The following LRRC20 variants were observed in gnomAD, a reference collection of about 807,000 sequenced individuals.
LRRC20 encodes leucine-rich repeat-containing protein 20.
A neutral mutation model predicts 14.4 loss-of-function variants in LRRC20; 11 were observed. The observed-to-expected ratio is 0.77, with a 90% CI of 0.48 to 1.27. The LOEUF (loss-of-function observed/expected upper bound fraction) is 1.27. Among genes scored for constraint, LRRC20 ranks in the 50% most tolerant of loss-of-function variants. The pLI is 0.00. For synonymous variants in LRRC20, 121 were observed against 107.3 expected (o/e 1.13, Z -0.79); for missense variants, 219 against 251.2 (o/e 0.87, Z 0.87).
intron 4 of LRRC20, among the ~76,000 whole-genome samples, chr10:70,309,233 C>T (rs574705570): frequency 5.4e-4 from 82 of 152,230 alleles, no homozygotes; most frequent in Middle Eastern, 3.4e-3. Flanking sequence ...GAAATCAAGG[C>T]GCAAGGAGGT....
At chr10:70,343,762 C>T (rs530409323) in intron 2 of LRRC20, among the ~76,000 whole-genome samples, 4 of 152,326 alleles carry the variant, frequency 2.6e-5, no homozygotes, top group South Asian at 4.1e-4. Context: ...TTGTGAATTA[C>T]ACCAGTCCCT....
chr10:70,338,332 TC>T (rs1842785136), intron 3 of LRRC20, among the ~76,000 whole-genome samples: 2 of 151,326 alleles, frequency 1.3e-5, no homozygotes, highest in South Asian at 4.2e-4. Context: ...CCACACCTCC[TC>T]TAGGAAGCTT....
At chr10:70,346,961 C>T (rs752619281) in intron 2 of LRRC20, among the ~76,000 whole-genome samples, 30 of 152,174 alleles carry the variant, frequency 2.0e-4, no homozygotes, top group Non-Finnish European at 5.9e-5. Context: ...TCTCGGCTCA[C>T]TGCTACCTTC....
chr10:70,324,110 T>G, intron 3 of LRRC20, 80 bp from the exon 4 acceptor site: 1 of 1,367,224 alleles, frequency 7.3e-7, no homozygotes, highest in Non-Finnish European at 1.0e-6. Flanking sequence ...GCTGTGGCTC[T>G]CACCCTGCCT....
chr10:70,329,711 G>A (rs1033665519), intron 3 of LRRC20, among the ~76,000 whole-genome samples: 1 of 151,910 alleles, frequency 6.6e-6, no homozygotes, highest in Non-Finnish European at 1.5e-5. Flanking sequence ...ACAGGTGCAT[G>A]CCGCCACTAT....
intron 4 of LRRC20, among the ~76,000 whole-genome samples, chr10:70,311,535 T>TA: frequency 6.6e-6 from 1 of 152,166 alleles, no homozygotes; most frequent in Admixed American, 6.5e-5. Context: ...AACATTCCAC[T>TA]ATTCCAGATA....
At chr10:70,352,985 A>G (rs1025718715) in intron 2 of LRRC20, among the ~76,000 whole-genome samples, 1 of 152,084 alleles carries the variant, frequency 6.6e-6, no homozygotes, top group African/African-American at 2.4e-5. Context: ...AGAAACTTCA[A>G]TCCTCATGGT....
At chr10:70,369,232 G>C (rs1844162852) in intron 2 of LRRC20, among the ~76,000 whole-genome samples, 1 of 152,190 alleles carries the variant, frequency 6.6e-6, no homozygotes, top group Admixed American at 6.5e-5. Flanking sequence ...CGGGAAGAGG[G>C]AGGTTCACAT....
intron 2 of LRRC20, among the ~76,000 whole-genome samples, chr10:70,366,820 G>A (rs1371098620): frequency 6.6e-6 from 1 of 152,118 alleles, no homozygotes; most frequent in East Asian, 1.9e-4. Flanking sequence ...CATTTACATT[G>A]TATTATGTAC....
At chr10:70,326,297 T>TACACACAC (rs3998644) in intron 3 of LRRC20, among the ~76,000 whole-genome samples, 37,748 of 140,146 alleles carry the variant, frequency 0.27, 5,634 homozygotes, top group Middle Eastern at 0.37. Context: ...CGCCTCTGTG[T>TACACACAC]ACACACACAC....
intron 4 of LRRC20, among the ~76,000 whole-genome samples, chr10:70,317,160 C>T (rs972365515): frequency 1.3e-5 from 2 of 152,174 alleles, no homozygotes; most frequent in African/African-American, 2.4e-5. Context: ...ATGTGCCAGC[C>T]CAGAGGGTCC....
chr10:70,364,901 G>A (rs1002489999), intron 2 of LRRC20, among the ~76,000 whole-genome samples: 1 of 152,188 alleles, frequency 6.6e-6, no homozygotes, highest in East Asian at 1.9e-4. Context: ...AACCCTGCCA[G>A]GCAATGCCCC....
chr10:70,314,127 C>G (rs1215095966), intron 4 of LRRC20, among the ~76,000 whole-genome samples: 3 of 152,178 alleles, frequency 2.0e-5, no homozygotes, highest in African/African-American at 7.2e-5. Flanking sequence ...CCCCATGATT[C>G]AATTATCTCC....
At chr10:70,382,450 C>T (rs1844746579) in intron 1 of LRRC20, 99 bp downstream of exon 1, 1 of 152,208 alleles carries the variant, frequency 6.6e-6, no homozygotes, top group Admixed American at 6.5e-5. Context: ...TTCTCGCCCT[C>T]TCTCCCCCAG....
At chr10:70,322,348 A>C (rs1842120857) in intron 4 of LRRC20, among the ~76,000 whole-genome samples, 1 of 152,232 alleles carries the variant, frequency 6.6e-6, no homozygotes, top group South Asian at 2.1e-4. Flanking sequence ...GATGAGCAGC[A>C]GAAGGAAGTG....
At chr10:70,353,491 C>G (rs1417863378) in intron 2 of LRRC20, among the ~76,000 whole-genome samples, 1 of 151,894 alleles carries the variant, frequency 6.6e-6, no homozygotes, top group Non-Finnish European at 1.5e-5. Context: ...AATCTCGGCT[C>G]ACTGCAACCT....
At chr10:70,342,645 T>C (rs1842958044) in intron 2 of LRRC20, among the ~76,000 whole-genome samples, 1 of 152,140 alleles carries the variant, frequency 6.6e-6, no homozygotes, top group African/African-American at 2.4e-5. Flanking sequence ...AGTAAAATAA[T>C]GACTAACAAA....
chr10:70,316,023 T>C (rs557841319), intron 4 of LRRC20, among the ~76,000 whole-genome samples: 1 of 152,328 alleles, frequency 6.6e-6, no homozygotes, highest in Admixed American at 6.5e-5. Flanking sequence ...GATCAGGGCA[T>C]CAGGCGGCTC....
In LRRC20 at chr10:70,300,443, G is replaced by A. The variant is rs779299484; in HGVS notation, c.*911C>T. ...GGAGCTGGCTGGCTACAAATCCCGT[G>A]GTCCACATCGCCTTCTGCCCCCAGG... is the stretch of plus-strand genomic sequence containing the variant. On this transcript the variant is annotated 3_prime_UTR_variant, in exon 5 of 5. Transcript: ENST00000446961. The A allele has an allele frequency of 8.6e-4, 848 of 985,434 alleles. No homozygotes were observed. Among genetic ancestry groups the A allele is most frequent in the Non-Finnish European group, 9.8e-4 (813 of 830,046 alleles). 61.0% of individuals were successfully genotyped at this position (985,434 alleles called of 1,614,324 possible). A position where few individuals can be genotyped will look rare whatever the true frequency, so the allele number is the denominator to read the frequency against.
Sources: gnomAD v4.1 joint callset for allele counts (sites outside exome capture counted in the v4.1 genomes callset) on GRCh38, gnomAD v4.1.1 for gene constraint, MANE v1.5 for transcripts, NCBI Gene and HGNC (gene_info 2026-07-23, HGNC 2026-07-21) for gene names.